The following CPNE8 variants were observed in gnomAD, a reference collection of about 807,000 sequenced individuals.
The protein encoded by CPNE8 is copine-8.
CPNE8 carries 45 observed loss-of-function variants against 81.5 expected under a neutral mutation model. That is an observed-to-expected ratio of 0.55 (90% confidence interval 0.44 to 0.71). CPNE8 has a LOEUF of 0.71. CPNE8 is among the 30% of genes least tolerant of loss of function. CPNE8 has a pLI of 0.00. For synonymous variants in CPNE8, 252 were observed against 226.3 expected, an observed-to-expected ratio of 1.11 and a Z score of -1.02; for missense variants, 594 against 672.1, an observed-to-expected ratio of 0.88 and a Z score of 1.28.
At chr12:38,797,466 C>T (rs1321557286) in intron 6 of CPNE8, among the ~76,000 whole-genome samples, 2 of 152,168 alleles carry the variant, frequency 1.3e-5, no homozygotes, top group Non-Finnish European at 2.9e-5. Flanking sequence ...CAGCAAACTC[C>T]AACAGACCTG....
At chr12:38,779,975 CT>C (rs1942012157) in intron 6 of CPNE8, among the ~76,000 whole-genome samples, 2 of 152,086 alleles carry the variant, frequency 1.3e-5, no homozygotes, top group Non-Finnish European at 2.9e-5. Context: ...TAAATCCAAG[CT>C]GTCATTGCCA....
intron 3 of CPNE8, among the ~76,000 whole-genome samples, chr12:38,859,078 A>G (rs1943789797): frequency 1.3e-5 from 2 of 152,164 alleles, no homozygotes. Flanking sequence ...TAATCGACAT[A>G]GTATGAAAAT....
intron 6 of CPNE8, among the ~76,000 whole-genome samples, chr12:38,792,011 T>TTA (rs1942335542): frequency 7.1e-6 from 1 of 139,942 alleles, no homozygotes; most frequent in South Asian, 2.2e-4. Context: ...TAGGAGAAAT[T>TTA]AAAAAAAAAA....
chr12:38,783,769 C>G (rs143629374), intron 6 of CPNE8, among the ~76,000 whole-genome samples: 1 of 152,194 alleles, frequency 6.6e-6, no homozygotes, highest in Non-Finnish European at 1.5e-5. Flanking sequence ...CCAAGACTAT[C>G]AAGGCAGTAT....
At chr12:38,873,485 C>T (rs1944021316) in intron 2 of CPNE8, among the ~76,000 whole-genome samples, 1 of 152,100 alleles carries the variant, frequency 6.6e-6, no homozygotes, top group African/African-American at 2.4e-5. Flanking sequence ...AACTTCCACC[C>T]TTAATATTTA....
chr12:38,854,014 T>C (rs1383638386), intron 3 of CPNE8, among the ~76,000 whole-genome samples: 1 of 152,114 alleles, frequency 6.6e-6, no homozygotes, highest in Non-Finnish European at 1.5e-5. Flanking sequence ...TCAATTATTA[T>C]GTTATAATTA....
intron 4 of CPNE8, among the ~76,000 whole-genome samples, chr12:38,845,593 T>A (rs1943544152): frequency 6.8e-6 from 1 of 148,068 alleles, no homozygotes; most frequent in Admixed American, 6.6e-5. Flanking sequence ...AAAACCAATA[T>A]CACAGGTATA....
chr12:38,745,724 T>C (rs1468659804), intron 10 of CPNE8, among the ~76,000 whole-genome samples: 1 of 152,152 alleles, frequency 6.6e-6, no homozygotes, highest in East Asian at 1.9e-4. Flanking sequence ...AAAAAATTAT[T>C]TGTAGAGACA....
chr12:38,815,472 T>C (rs1238629975), intron 6 of CPNE8, among the ~76,000 whole-genome samples: 1 of 152,230 alleles, frequency 6.6e-6, no homozygotes, highest in Non-Finnish European at 1.5e-5. Context: ...AAAAGATGCA[T>C]GCAAGTACAG....
chr12:38,741,675 A>T (rs571540163), intron 10 of CPNE8, among the ~76,000 whole-genome samples: 1 of 152,350 alleles, frequency 6.6e-6, no homozygotes, highest in Admixed American at 6.5e-5. Flanking sequence ...GCCAAAATTG[A>T]CAAATGGGAT....
chr12:38,743,977 G>A (rs1941168759), intron 10 of CPNE8, among the ~76,000 whole-genome samples: 1 of 152,148 alleles, frequency 6.6e-6, no homozygotes. Flanking sequence ...TTCCAGGCAT[G>A]ATTTGACTAT....
At chr12:38,853,526 G>T (rs1721535832) in intron 3 of CPNE8, among the ~76,000 whole-genome samples, 1 of 151,570 alleles carries the variant, frequency 6.6e-6, no homozygotes, top group Non-Finnish European at 1.5e-5. Flanking sequence ...CTTATAATTA[G>T]GAAACTATTC....
At chr12:38,761,345 G>C (rs575980209) in intron 9 of CPNE8, among the ~76,000 whole-genome samples, 3 of 152,278 alleles carry the variant, frequency 2.0e-5, no homozygotes, top group Admixed American at 2.0e-4. Flanking sequence ...AGATCACCAG[G>C]TGATGCTGAC....
At chr12:38,672,712 TA>T (rs2136645296) in intron 18 of CPNE8, among the ~76,000 whole-genome samples, 1 of 152,330 alleles carries the variant, frequency 6.6e-6, no homozygotes, top group East Asian at 1.9e-4. Context: ...TTCTTTATAA[TA>T]AAGGTTCTTT....
chr12:38,727,491 TAA>T (rs376919669), intron 11 of CPNE8, among the ~76,000 whole-genome samples: 1 of 151,928 alleles, frequency 6.6e-6, no homozygotes, highest in Non-Finnish European at 1.5e-5. Context: ...AAACAAAACT[TAA>T]AAAAAATGTG....
intron 3 of CPNE8, among the ~76,000 whole-genome samples, chr12:38,852,594 C>T (rs1943664195): frequency 6.6e-6 from 1 of 152,076 alleles, no homozygotes; most frequent in South Asian, 2.1e-4. Flanking sequence ...AAGAGTGAAA[C>T]TCCATCTCAA....
intron 6 of CPNE8, among the ~76,000 whole-genome samples, chr12:38,781,419 C>CA (rs1942050681): frequency 6.6e-6 from 1 of 151,646 alleles, no homozygotes. Context: ...AAATTTGATT[C>CA]AAAAAATTCA....
intron 8 of CPNE8, 94 bp from the exon 9 acceptor site, chr12:38,762,310 G>T: frequency 1.7e-6 from 1 of 585,858 alleles, no homozygotes; most frequent in Non-Finnish European, 2.8e-6. Context: ...TTTTTGTTCA[G>T]AATAGTCAGT....
chr12:38,764,234 G>T (rs1941630425), intron 8 of CPNE8, among the ~76,000 whole-genome samples: 1 of 152,124 alleles, frequency 6.6e-6, no homozygotes, highest in East Asian at 1.9e-4. Flanking sequence ...TAAAGCAGAA[G>T]AAGAAAATCA....
Sources: gnomAD v4.1 joint callset for allele counts (sites outside exome capture counted in the v4.1 genomes callset) on GRCh38, gnomAD v4.1.1 for gene constraint, MANE v1.5 for transcripts, NCBI Gene and HGNC (gene_info 2026-07-23, HGNC 2026-07-21) for gene names.